The following BRCA2 variants were observed in gnomAD, a reference collection of about 807,000 sequenced individuals.
BRCA2 encodes the protein BRCA2 DNA repair associated, also known as breast cancer type 2 susceptibility protein.
BRCA2 carries 203 observed loss-of-function variants against 276.7 expected under a neutral mutation model. That is an observed-to-expected ratio of 0.73 (90% confidence interval 0.65 to 0.82). The LOEUF (loss-of-function observed/expected upper bound fraction) is 0.82. Ranked by LOEUF, BRCA2 falls within the 40% of genes least tolerant of loss-of-function variation. The pLI, the probability that BRCA2 is intolerant of heterozygous loss-of-function variation, is 0.00. For synonymous variants in BRCA2, 1,289 were observed against 1,338.4 expected (o/e 0.96, Z 0.81); for missense variants, 3,920 against 3,915.0 (o/e 1.00, Z -0.03).
At chr13:32,375,110 T>C (rs1474053423) in intron 20 of BRCA2, among the ~76,000 whole-genome samples, 1 of 152,216 alleles carries the variant, frequency 6.6e-6, no homozygotes, top group Non-Finnish European at 1.5e-5. Context: ...ACTCCCTCAC[T>C]ATCATGGAAC....
chr13:32,366,697 C>T (rs1296313683), intron 18 of BRCA2, among the ~76,000 whole-genome samples: 1 of 151,932 alleles, frequency 6.6e-6, no homozygotes. Flanking sequence ...TGGCATGCTC[C>T]TGTAGTCCCA....
At chr13:32,316,083 A>G (rs1257123588) in intron 1 of BRCA2, among the ~76,000 whole-genome samples, 1 of 152,220 alleles carries the variant, frequency 6.6e-6, no homozygotes. Flanking sequence ...TATTCCGAAG[A>G]CATGCTGATG....
chr13:32,376,660 G>C lies in BRCA2; in HGVS notation c.8633-10G>C. On this transcript the variant is annotated splice_polypyrimidine_tract_variant and intron_variant, in intron 20 of 26. Transcript: ENST00000380152. ...AGTTTAGTGAATTAATAATCCTTTT[G>C]TTTTCTTAGAAAACACAACAAAACC... 6.2e-7 allele frequency: 1 copy of C among 1,613,274 alleles called. No individual in the cohort carries two copies. The highest frequency in any genetic ancestry group is 1.7e-4 in the Middle Eastern group (1 of 6,060).
chr13:32,362,989 A>G (rs745784907), intron 17 of BRCA2, among the ~76,000 whole-genome samples, 190 bp from the exon 18 acceptor site: 3 of 151,244 alleles, frequency 2.0e-5, no homozygotes, highest in Non-Finnish European at 2.9e-5. Context: ...TTTGCATTTT[A>G]TTTTTTGCTT....
chr13:32,363,623 G>A (rs2137583550), intron 18 of BRCA2, 90 bp downstream of exon 18: 1 of 1,175,236 alleles, frequency 8.5e-7, no homozygotes, highest in South Asian at 1.4e-5. Flanking sequence ...GCTTACTAAG[G>A]ATGCTCAATT....
intron 3 of BRCA2, among the ~76,000 whole-genome samples, chr13:32,322,975 A>T (rs960923093): frequency 7.9e-5 from 12 of 152,154 alleles, no homozygotes; most frequent in African/African-American, 2.9e-4. Context: ...GAGTATGTTT[A>T]GTTTTATGAG....
chr13:32,388,024 CTT>C (rs780678353), intron 24 of BRCA2, among the ~76,000 whole-genome samples: 3 of 152,076 alleles, frequency 2.0e-5, no homozygotes, highest in Non-Finnish European at 4.4e-5. Context: ...CTCTTTATCT[CTT>C]TGTCTTGTGT....
rs1057522378 is a variant in BRCA2 at position 32,363,188 on chromosome 13, G to A, written c.7986G>A (p.Thr2662=). ...VLLQLKYRYD[T]EIDRSRRSAI... ...TTGTTTTCACTTTTAGATATGATAC[G>A]GAAATTGATAGAAGCAGAAGATCGG... Residue 2662 remains threonine, a synonymous_variant, in exon 18 of 27, where the codon ACG becomes ACA. Coordinates refer to ENST00000380152, the MANE Select transcript of BRCA2 (RefSeq NM_000059.4). 13 of 1,613,216 alleles carry A rather than the reference G, an allele frequency of 8.1e-6. No individual in the cohort carries two copies. The highest frequency in any genetic ancestry group is 1.7e-4 in the Middle Eastern group (1 of 6,050).
chr13:32,364,727 C>G (rs1353580106), intron 18 of BRCA2, among the ~76,000 whole-genome samples: 1 of 152,146 alleles, frequency 6.6e-6, no homozygotes, highest in Non-Finnish European at 1.5e-5. Context: ...TATAAAAATC[C>G]TGCCCAATAT....
Position 32,338,611 on chromosome 13 carries a change from A to G in BRCA2, c.4256A>G (p.Lys1419Arg). The G allele has an allele frequency of 6.3e-7, 1 of 1,596,902 alleles. No individual in the cohort carries two copies. Among genetic ancestry groups the G allele is most frequent in the Non-Finnish European group, 8.6e-7 (1 of 1,169,536 alleles). ...GCTACTAAAACGGAGCAAAATATAA[A>G]AGATTTTGAGACTTCTGATACATTT... ...LTATKTEQNIKDFETSDTFFQ... is the reference protein window; with the variant it reads ...LTATKTEQNIRDFETSDTFFQ... Residue 1419 changes from lysine to arginine, a missense_variant, in exon 11 of 27, where the codon AAA becomes AGA. Transcript: ENST00000380152.
At chr13:32,348,422 C>T (rs2072625460) in intron 13 of BRCA2, among the ~76,000 whole-genome samples, 1 of 152,020 alleles carries the variant, frequency 6.6e-6, no homozygotes, top group South Asian at 2.1e-4. Context: ...TAGAGGCAGA[C>T]AGGAACCTTA....
intron 18 of BRCA2, among the ~76,000 whole-genome samples, chr13:32,367,611 A>G (rs1239426161): frequency 1.3e-5 from 2 of 151,910 alleles, no homozygotes; most frequent in African/African-American, 4.8e-5. Flanking sequence ...CCTGGGCAAC[A>G]TGACAAAACC....
Position 32,392,545 on chromosome 13 carries a change from G to A in BRCA2, c.9257-2144G>A, listed in dbSNP as rs141258585. On this transcript the variant is annotated intron_variant, in intron 24 of 26. Coordinates refer to ENST00000380152, the MANE Select transcript of BRCA2 (RefSeq NM_000059.4). ...GCGGGGGCTGCGGTGACCCAAGATT[G>A]CACCACTGCACCCTAGCCTAGGCCA... 1.2e-3 allele frequency among the ~76,000 whole-genome samples: 183 copies of A among 149,156 alleles called. 2 individuals are homozygous for A. Among genetic ancestry groups the A allele is most frequent in the African/African-American group, 4.2e-3 (171 of 40,340 alleles).
intron 2 of BRCA2, among the ~76,000 whole-genome samples, chr13:32,318,781 T>G (rs1455010558): frequency 6.6e-6 from 1 of 152,166 alleles, no homozygotes; most frequent in African/African-American, 2.4e-5. Flanking sequence ...TAGTTTTTGA[T>G]TCCGAACCAT....
At chr13:32,394,244 G>T (rs972741251) in intron 24 of BRCA2, among the ~76,000 whole-genome samples, 3 of 152,146 alleles carry the variant, frequency 2.0e-5, no homozygotes, top group Admixed American at 2.0e-4. Context: ...TAATGTTTCA[G>T]TGAGTAACCT....
rs761989332 is a variant in BRCA2, at chr13:32,354,840, T to C, written c.7008-21T>C. On this transcript the variant is annotated intron_variant, in intron 13 of 26. Transcript: ENST00000380152. Reference sequence around the variant, plus strand: ...ATATGTGTACTAGTCAATAAACTTATATATTTTCTCCCCATTGCAGCACAA... The same window carrying C: ...ATATGTGTACTAGTCAATAAACTTACATATTTTCTCCCCATTGCAGCACAA... 1.1e-5 allele frequency: 16 copies of C among 1,466,338 alleles called. No homozygotes were observed. Among genetic ancestry groups the C allele is most frequent in the Admixed American group, 3.3e-5 (2 of 59,772 alleles). The allele number at this position is 1,466,338 out of a possible 1,614,324, so 90.8% of individuals were successfully genotyped here.
At position 32,398,598 on chromosome 13, in the gene BRCA2, T is replaced by C. The variant is rs756978580; in HGVS notation, c.10085T>C (p.Phe3362Ser). Residue 3362 changes from phenylalanine to serine, a missense_variant, in exon 27 of 27, where the codon TTT (phenylalanine) becomes TCT (serine). By Grantham distance (155) the Phe-to-Ser change is radical. Coordinates refer to ENST00000380152, the MANE Select transcript of BRCA2 (RefSeq NM_000059.4). ...LLSGSTGEKQFISVSESTRTA... is the reference protein window; with the variant it reads ...LLSGSTGEKQSISVSESTRTA... ...TCTGGTTCAACAGGAGAAAAACAATTTATATCTGTCAGTGAATCCACTAGG... is the reference window on the plus strand; with the variant it reads ...TCTGGTTCAACAGGAGAAAAACAATCTATATCTGTCAGTGAATCCACTAGG... The C allele has an allele frequency of 2.5e-6, 4 of 1,613,818 alleles. No individual in the cohort carries two copies. Among genetic ancestry groups the C allele is most frequent in the Non-Finnish European group, 3.4e-6 (4 of 1,179,848 alleles).
intron 24 of BRCA2, among the ~76,000 whole-genome samples, chr13:32,392,355 A>G (rs1469534533): frequency 5.3e-5 from 8 of 152,208 alleles, no homozygotes; most frequent in Non-Finnish European, 1.0e-4. Flanking sequence ...ATCCCAGGAT[A>G]GAATGGATAG....
chr13:32,332,162 T>C, intron 9 of BRCA2, 110 bp from the exon 10 acceptor site: 1 of 1,096,042 alleles, frequency 9.1e-7, no homozygotes, highest in Non-Finnish European at 1.3e-6. Context: ...TACTGATATG[T>C]AATATTTAGC....
Sources: allele counts gnomAD v4.1 joint callset (sites outside exome capture counted in the v4.1 genomes callset), GRCh38; gene constraint gnomAD v4.1.1; transcripts MANE v1.5; gene names NCBI Gene and HGNC (gene_info 2026-07-23, HGNC 2026-07-21).